Variants in CARMIL1 observed in about 807,000 individuals in gnomAD.
CARMIL1 encodes capping protein regulator and myosin 1 linker 1.
CARMIL1 carries 90 observed loss-of-function variants against 177.1 expected under a neutral mutation model. The ratio of observed to expected loss-of-function variants is 0.51; its 90% CI spans 0.43 to 0.61. The LOEUF is 0.61. CARMIL1 is among the 20% of genes least tolerant of loss of function. CARMIL1 has a pLI of 0.00. For synonymous variants in CARMIL1, 577 were observed against 606.2 expected, an observed-to-expected ratio of 0.95 and a Z score of 0.71; for missense variants, 1,380 against 1,667.0, an observed-to-expected ratio of 0.83 and a Z score of 3.00.
At chr6:25,293,750 G>A (rs1326574504) in intron 2 of CARMIL1, among the ~76,000 whole-genome samples, 1 of 151,262 alleles carries the variant, frequency 6.6e-6, no homozygotes, top group Non-Finnish European at 1.5e-5. Context: ...CCTTTTGACA[G>A]GGCCTCACTT....
chr6:25,389,045 T>G (rs1396558351), intron 2 of CARMIL1: 1 of 152,224 alleles, frequency 6.6e-6, no homozygotes, highest in African/African-American at 2.4e-5. Flanking sequence ...TAGCTTTTAC[T>G]CCTTACTGAT....
intron 25 of CARMIL1, among the ~76,000 whole-genome samples, chr6:25,539,110 A>T (rs1808629215): frequency 6.6e-6 from 1 of 151,946 alleles, no homozygotes; most frequent in Non-Finnish European, 1.5e-5. Flanking sequence ...ATCATAAGTA[A>T]AATGCTTGGC....
chr6:25,403,081 GTT>G (rs71969807), intron 2 of CARMIL1, among the ~76,000 whole-genome samples: 61,869 of 142,778 alleles, frequency 0.43, 13,114 homozygotes, highest in Middle Eastern at 0.55. Context: ...TCCATAAAGA[GTT>G]TTTTTTTTTT....
At chr6:25,285,261 T>G (rs114326994) in intron 2 of CARMIL1, among the ~76,000 whole-genome samples, 1 of 152,204 alleles carries the variant, frequency 6.6e-6, no homozygotes, top group Admixed American at 6.5e-5. Context: ...ATTCATAAAG[T>G]CTTATGGAGG....
At chr6:25,546,036 G>A (rs1417077491) in intron 26 of CARMIL1, among the ~76,000 whole-genome samples, 1 of 152,168 alleles carries the variant, frequency 6.6e-6, no homozygotes, top group African/African-American at 2.4e-5. Flanking sequence ...AGGTGTTTCA[G>A]AGAGGGGTGA....
At chr6:25,494,249 A>G (rs1432148210) in intron 15 of CARMIL1, among the ~76,000 whole-genome samples, 1 of 152,060 alleles carries the variant, frequency 6.6e-6, no homozygotes, top group Non-Finnish European at 1.5e-5. Flanking sequence ...CTGAGATTCC[A>G]TGAGTCCCTC....
At chr6:25,398,645 A>C (rs1050787569) in intron 2 of CARMIL1, among the ~76,000 whole-genome samples, 11 of 152,228 alleles carry the variant, frequency 7.2e-5, no homozygotes, top group Non-Finnish European at 1.6e-4. Context: ...AGATCAGACG[A>C]CTATCTGCTT....
rs370041961 is a variant in CARMIL1 at position 25,615,756 on chromosome 6, A to G, written c.3980-3691A>G. ...TGGGCTCTTGCTAGAAAGTATAAAA[A>G]ATCAGGGCCAACTACTGAATACTAT... is the stretch of plus-strand genomic sequence containing the variant. On this transcript the variant is annotated intron_variant, in intron 36 of 36. Coordinates refer to ENST00000329474, the MANE Select transcript of CARMIL1 (RefSeq NM_017640.6). Among the ~76,000 whole-genome samples, 27 of 152,344 alleles carry G rather than the reference A, an allele frequency of 1.8e-4. No individual in the cohort carries two copies. In the South Asian group the frequency reaches 5.4e-3, roughly 30 times the overall value.
At chr6:25,297,595 A>G (rs1782519880) in intron 2 of CARMIL1, among the ~76,000 whole-genome samples, 2 of 152,206 alleles carry the variant, frequency 1.3e-5, no homozygotes, top group South Asian at 4.1e-4. Flanking sequence ...TTGTTAATAC[A>G]GCATCTGGAG....
At chr6:25,447,983 C>T (rs34936309) in intron 5 of CARMIL1, among the ~76,000 whole-genome samples, 15,234 of 152,140 alleles carry the variant, frequency 0.1, 856 homozygotes, top group East Asian at 0.2. Context: ...AAGCCAGCTG[C>T]CCACCTCTCC....
intron 2 of CARMIL1, among the ~76,000 whole-genome samples, chr6:25,346,131 C>A (rs1216835401): frequency 6.7e-6 from 1 of 150,302 alleles, no homozygotes; most frequent in East Asian, 2.0e-4. Flanking sequence ...CAGCTGTGTG[C>A]AGATTACGTC....
chr6:25,361,537 C>CT (rs1789195927), intron 2 of CARMIL1, among the ~76,000 whole-genome samples: 1 of 152,048 alleles, frequency 6.6e-6, no homozygotes, highest in Admixed American at 6.5e-5. Context: ...GCAGGCAGAG[C>CT]TTTTTTCTTA....
chr6:25,450,205 A>G, intron 6 of CARMIL1, 134 bp from the exon 7 acceptor site: 1 of 741,784 alleles, frequency 1.3e-6, no homozygotes, highest in East Asian at 2.7e-5. Flanking sequence ...AGGGAGGAGA[A>G]TCTTTGCTGT....
chr6:25,311,370 T>C (rs1783805826), intron 2 of CARMIL1, among the ~76,000 whole-genome samples: 1 of 149,824 alleles, frequency 6.7e-6, no homozygotes, highest in South Asian at 2.1e-4. Flanking sequence ...TTGGAAGGAG[T>C]CACTGACTAA....
At chr6:25,345,746 A>G (rs142634419) in intron 2 of CARMIL1, among the ~76,000 whole-genome samples, 7,915 of 152,162 alleles carry the variant, frequency 0.052, 274 homozygotes, top group Non-Finnish European at 0.087. Flanking sequence ...CCTCCTGAGT[A>G]GCTGGGCTTA....
intron 2 of CARMIL1, among the ~76,000 whole-genome samples, chr6:25,376,752 C>T (rs552394588): frequency 6.6e-6 from 1 of 152,226 alleles, no homozygotes; most frequent in East Asian, 1.9e-4. Flanking sequence ...GCTTAGGCTT[C>T]AGGCCAGTAG....
At chr6:25,381,251 C>A (rs1025282825) in intron 2 of CARMIL1, among the ~76,000 whole-genome samples, 1 of 152,172 alleles carries the variant, frequency 6.6e-6, no homozygotes, top group African/African-American at 2.4e-5. Context: ...ATTGTGTCAC[C>A]TAAGTCTAAC....
chr6:25,520,380 G>A, intron 23 of CARMIL1, 43 bp downstream of exon 23: 1 of 1,073,584 alleles, frequency 9.3e-7, no homozygotes, highest in Non-Finnish European at 1.4e-6. Flanking sequence ...ATTCACATTT[G>A]AATTGTGGTT....
At chr6:25,343,277 C>G (rs940403) in intron 2 of CARMIL1, among the ~76,000 whole-genome samples, 39,391 of 150,488 alleles carry the variant, frequency 0.26, 5,246 homozygotes, top group African/African-American at 0.3. Context: ...GAGGATTGAA[C>G]GTAATTACTC....
Sources: gnomAD v4.1 joint callset for allele counts (sites outside exome capture counted in the v4.1 genomes callset) on GRCh38, gnomAD v4.1.1 for gene constraint, MANE v1.5 for transcripts, NCBI Gene and HGNC (gene_info 2026-07-23, HGNC 2026-07-21) for gene names.